The following NDE1 variants were observed in gnomAD, a reference collection of about 807,000 sequenced individuals.
NDE1 encodes the protein nudE neurodevelopment protein 1, also known as nuclear distribution protein nudE homolog 1.
A neutral mutation model predicts 43.4 loss-of-function variants in NDE1; 28 were observed. That is an observed-to-expected ratio of 0.65 (90% CI 0.48 to 0.89). The LOEUF (loss-of-function observed/expected upper bound fraction) is 0.89, where lower values mean the gene tolerates loss of function less well. Among genes scored for constraint, NDE1 ranks in the 40% least tolerant of loss-of-function variants. The pLI, the probability that NDE1 is intolerant of heterozygous loss-of-function variation, is 0.00. For synonymous variants in NDE1, 184 were observed against 172.0 expected, an observed-to-expected ratio of 1.07 and a Z score of -0.55; for missense variants, 441 against 434.1, an observed-to-expected ratio of 1.02 and a Z score of -0.14.
chr16:15,704,229 T>A, intron 8 of NDE1: 1 of 1,391,748 alleles, frequency 7.2e-7, no homozygotes, highest in Non-Finnish European at 9.9e-7. Context: ...TATTGCAATA[T>A]AAATTTTTTT....
At chr16:15,668,675 T>G (rs1174421307) in intron 3 of NDE1, among the ~76,000 whole-genome samples, 1 of 152,194 alleles carries the variant, frequency 6.6e-6, no homozygotes, top group Admixed American at 6.5e-5. Flanking sequence ...AATAAAAACT[T>G]AATTCCTCAG....
intron 8 of NDE1, among the ~76,000 whole-genome samples, chr16:15,707,726 T>C (rs946274506): frequency 1.3e-5 from 2 of 152,054 alleles, no homozygotes; most frequent in African/African-American, 4.8e-5. Context: ...AATCCCAGCA[T>C]TTGGGGAGGC....
At chr16:15,654,631 A>C (rs75355844) in intron 1 of NDE1, among the ~76,000 whole-genome samples, 6 of 149,180 alleles carry the variant, frequency 4.0e-5, no homozygotes, top group South Asian at 2.1e-4. Context: ...AAAAAAAAAA[A>C]CAAAACTGGA....
At chr16:15,686,457 G>A (rs1258270727) in intron 4 of NDE1, 1 of 985,256 alleles carries the variant, frequency 1.0e-6, no homozygotes, top group Non-Finnish European at 1.2e-6. Context: ...AGGGCAGCTG[G>A]GCTGGTACTG....
chr16:15,705,874 G>C (rs1009483284), intron 8 of NDE1, among the ~76,000 whole-genome samples: 23 of 151,218 alleles, frequency 1.5e-4, no homozygotes, highest in African/African-American at 5.4e-4. Flanking sequence ...CCAGCTACTC[G>C]GGAGGGAGGC....
chr16:15,717,293 T>C (rs1321829406), intron 8 of NDE1: 2 of 1,613,178 alleles, frequency 1.2e-6, no homozygotes, highest in Non-Finnish European at 1.7e-6. Flanking sequence ...CCGGGCACTC[T>C]CATTCTTCTG....
At chr16:15,698,706 C>G (rs1330555134) in intron 8 of NDE1, among the ~76,000 whole-genome samples, 1 of 151,688 alleles carries the variant, frequency 6.6e-6, no homozygotes, top group East Asian at 2.0e-4. Context: ...ACTAAAAATA[C>G]GAAAATTAGC....
intron 7 of NDE1, among the ~76,000 whole-genome samples, chr16:15,695,149 A>T (rs1446354916): frequency 6.9e-6 from 1 of 144,066 alleles, no homozygotes; most frequent in East Asian, 2.0e-4. Context: ...CCAACACTGC[A>T]CTCCATCCTG....
chr16:15,724,311 G>A lies in NDE1; in HGVS notation c.*60G>A. 6.2e-7 allele frequency: 1 copy of A among 1,614,114 alleles called. No individual in the cohort carries two copies. The highest frequency in any genetic ancestry group is 8.5e-7 in the Non-Finnish European group (1 of 1,180,022). ...CGGCCGCCTTCTCCTCGTACTGCTG[G>A]GTGAGGTTCTCGATCTCCTTCTGGA... On this transcript the variant is annotated 3_prime_UTR_variant, in exon 9 of 9. Coordinates refer to ENST00000396354, the MANE Select transcript of NDE1 (RefSeq NM_017668.3).
intron 8 of NDE1, among the ~76,000 whole-genome samples, chr16:15,705,719 C>T (rs2039411885): frequency 6.6e-6 from 1 of 152,116 alleles, no homozygotes; most frequent in African/African-American, 2.4e-5. Flanking sequence ...TGGTGGCTCA[C>T]ACCTGTAATC....
intron 4 of NDE1, chr16:15,686,563 A>G (rs945589649): frequency 1.0e-6 from 1 of 983,840 alleles, no homozygotes. Flanking sequence ...CTGTAATCTC[A>G]GTAACTCAGG....
At chr16:15,645,446 A>G (rs2030267090), upstream of NDE1, among the ~76,000 whole-genome samples, 1 of 152,168 alleles carries the variant, frequency 6.6e-6, no homozygotes, top group Non-Finnish European at 1.5e-5. Flanking sequence ...CCTGAGCAAC[A>G]TGGTGTGACA....
At chr16:15,646,522 G>C (rs1374980544), upstream of NDE1, among the ~76,000 whole-genome samples, 1 of 151,176 alleles carries the variant, frequency 6.6e-6, no homozygotes, top group East Asian at 2.0e-4. Context: ...AAGAGGTTGC[G>C]GTGAGCCGAG....
intron 8 of NDE1, chr16:15,719,082 T>G: frequency 1.2e-6 from 1 of 817,934 alleles, no homozygotes; most frequent in Non-Finnish European, 2.0e-6. Flanking sequence ...GAGCCAAGAT[T>G]GTGCCACTGC....
chr16:15,716,403 G>A (rs1330862744), intron 8 of NDE1, among the ~76,000 whole-genome samples: 1 of 152,204 alleles, frequency 6.6e-6, no homozygotes, highest in East Asian at 1.9e-4. Flanking sequence ...AGAATCCTTA[G>A]AATCCAATGG....
In NDE1 at chr16:15,719,654, G is replaced by T. The variant is rs772418529; in HGVS notation, c.948-4537G>T. On this transcript the variant is annotated intron_variant, in intron 8 of 8. Transcript: ENST00000396354. Reference sequence around the variant, plus strand: ...TCTCATTCTCTTTGGCTGTGGCAAAGATCTCATCTCTGGAGGCACGGGCAT... The same window carrying T: ...TCTCATTCTCTTTGGCTGTGGCAAATATCTCATCTCTGGAGGCACGGGCAT... The T allele has an allele frequency of 3.1e-6, 5 of 1,614,194 alleles. No homozygotes were observed. Among genetic ancestry groups the T allele is most frequent in the Middle Eastern group, 1.6e-4 (1 of 6,062 alleles).
chr16:15,699,656 C>T (rs1437953316), intron 8 of NDE1: 1 of 1,299,082 alleles, frequency 7.7e-7, no homozygotes, highest in Non-Finnish European at 1.0e-6. Context: ...ACCCTTATAA[C>T]TCTCTGGGCC....
chr16:15,662,987 C>CATCAT (rs1477388928), intron 1 of NDE1, among the ~76,000 whole-genome samples: 1 of 152,162 alleles, frequency 6.6e-6, no homozygotes, highest in African/African-American at 2.4e-5. Flanking sequence ...CAGGAGAGCC[C>CATCAT]ATCATATCAC....
At chr16:15,685,382 T>G (rs2038386868) in intron 4 of NDE1, among the ~76,000 whole-genome samples, 1 of 151,898 alleles carries the variant, frequency 6.6e-6, no homozygotes, top group Admixed American at 6.6e-5. Context: ...AGCCTCCGAG[T>G]AGCTGGGACT....
Sources: gnomAD v4.1 joint callset for allele counts (sites outside exome capture counted in the v4.1 genomes callset) on GRCh38, gnomAD v4.1.1 for gene constraint, MANE v1.5 for transcripts, NCBI Gene and HGNC (gene_info 2026-07-23, HGNC 2026-07-21) for gene names.